The following DISP1 variants were observed in gnomAD, a reference collection of about 807,000 sequenced individuals.
DISP1 encodes protein dispatched homolog 1.
A neutral mutation model predicts 37.3 loss-of-function variants in DISP1; 30 were observed. That is an observed-to-expected ratio of 0.80 (90% CI 0.60 to 1.09). DISP1 has a LOEUF of 1.09. DISP1 is among the 50% of genes least tolerant of loss of function. DISP1 has a pLI of 0.00. For missense variants in DISP1, 1,598 were observed against 1,879.5 expected, an observed-to-expected ratio of 0.85 and a Z score of 2.77; for synonymous variants, 634 against 690.2, an observed-to-expected ratio of 0.92 and a Z score of 1.28.
At chr1:222,881,472 A>G (rs1270029537) in intron 1 of DISP1, among the ~76,000 whole-genome samples, 1 of 152,222 alleles carries the variant, frequency 6.6e-6, no homozygotes, top group Non-Finnish European at 1.5e-5. Flanking sequence ...CTGGGATTAC[A>G]GACATGAGCC....
intron 1 of DISP1, among the ~76,000 whole-genome samples, chr1:222,858,982 T>A: frequency 6.6e-6 from 1 of 152,218 alleles, no homozygotes; most frequent in Admixed American, 6.5e-5. Flanking sequence ...CATTACTGGG[T>A]ATATACCCAA....
At chr1:222,976,113 T>TA (rs1012366680) in intron 3 of DISP1, among the ~76,000 whole-genome samples, 2 of 152,206 alleles carry the variant, frequency 1.3e-5, no homozygotes, top group Non-Finnish European at 2.9e-5. Context: ...GGTTTGTTTT[T>TA]ATTAAAAAGT....
At chr1:222,818,917 T>A (rs1364111561) in intron 1 of DISP1, among the ~76,000 whole-genome samples, 1 of 152,236 alleles carries the variant, frequency 6.6e-6, no homozygotes, top group Non-Finnish European at 1.5e-5. Context: ...TAAACTAATA[T>A]GTGGCGTGTA....
At chr1:222,995,863 C>T (rs773318361) in intron 8 of DISP1, among the ~76,000 whole-genome samples, 3 of 152,130 alleles carry the variant, frequency 2.0e-5, no homozygotes, top group Non-Finnish European at 2.9e-5. Flanking sequence ...ATCACCTGTT[C>T]GGTCAACAGG....
chr1:222,932,680 G>A (rs774272068), intron 2 of DISP1, among the ~76,000 whole-genome samples: 1 of 152,000 alleles, frequency 6.6e-6, no homozygotes, highest in South Asian at 2.1e-4. Flanking sequence ...AAAGCTATGA[G>A]AAGCCTTCCC....
intron 1 of DISP1, among the ~76,000 whole-genome samples, chr1:222,925,695 G>T (rs575870599): frequency 2.6e-5 from 4 of 152,040 alleles, no homozygotes; most frequent in Non-Finnish European, 5.9e-5. Context: ...ACATACAGTG[G>T]TTCTCAAAAT....
At chr1:222,981,139 T>C (rs146506205) in intron 3 of DISP1, among the ~76,000 whole-genome samples, 1,853 of 152,380 alleles carry the variant, frequency 0.012, 41 homozygotes, top group African/African-American at 0.042. Flanking sequence ...AAGTTCCACA[T>C]CTGCCAAAAG....
intron 3 of DISP1, among the ~76,000 whole-genome samples, chr1:222,964,165 G>C: frequency 6.6e-6 from 1 of 152,000 alleles, no homozygotes; most frequent in Admixed American, 6.6e-5. Context: ...CGGGCATGGT[G>C]GTGGGCACCT....
intron 1 of DISP1, among the ~76,000 whole-genome samples, chr1:222,896,208 C>T (rs530669110): frequency 1.3e-5 from 2 of 152,012 alleles, no homozygotes; most frequent in South Asian, 4.2e-4. Flanking sequence ...ACCGGTAGGC[C>T]GAAATGGGAG....
At chr1:222,870,213 A>T (rs1357771345) in intron 1 of DISP1, among the ~76,000 whole-genome samples, 2 of 152,114 alleles carry the variant, frequency 1.3e-5, no homozygotes, top group African/African-American at 4.8e-5. Context: ...GGTTGGTTCC[A>T]AGTCTTTGCT....
chr1:222,935,803 C>A (rs962239678), intron 2 of DISP1, among the ~76,000 whole-genome samples: 1 of 152,194 alleles, frequency 6.6e-6, no homozygotes, highest in Non-Finnish European at 1.5e-5. Context: ...GCAGTTCTGA[C>A]CGCCAATTCC....
At chr1:222,900,516 G>A (rs1671520576) in intron 1 of DISP1, among the ~76,000 whole-genome samples, 1 of 151,976 alleles carries the variant, frequency 6.6e-6, no homozygotes, top group Non-Finnish European at 1.5e-5. Flanking sequence ...TTTTTCTGTT[G>A]GAGATCCTAT....
chr1:222,818,370 C>G (rs1038128995), intron 1 of DISP1, among the ~76,000 whole-genome samples: 1 of 152,026 alleles, frequency 6.6e-6, no homozygotes, highest in Non-Finnish European at 1.5e-5. Context: ...GGGAATCCCT[C>G]CCACCTCTTG....
chr1:222,826,647 C>T (rs987137064), intron 1 of DISP1, among the ~76,000 whole-genome samples: 12 of 152,084 alleles, frequency 7.9e-5, no homozygotes, highest in African/African-American at 2.4e-4. Context: ...CTCAGCCTCC[C>T]AAAGTCCTGG....
At chr1:222,815,968 T>A (rs2125102267) in intron 1 of DISP1, among the ~76,000 whole-genome samples, 1 of 152,190 alleles carries the variant, frequency 6.6e-6, no homozygotes, top group African/African-American at 2.4e-5. Context: ...TTTGTTGGGT[T>A]TAGTCTTTTA....
intron 1 of DISP1, among the ~76,000 whole-genome samples, chr1:222,877,819 G>A (rs930036714): frequency 3.9e-5 from 6 of 152,154 alleles, no homozygotes; most frequent in African/African-American, 1.4e-4. Context: ...CCTTGGGGCT[G>A]GTTTTTTAAG....
chr1:222,835,705 AC>A (rs1666853473), intron 1 of DISP1, among the ~76,000 whole-genome samples: 1 of 151,934 alleles, frequency 6.6e-6, no homozygotes, highest in Non-Finnish European at 1.5e-5. Context: ...TAATCCCAGC[AC>A]TTTGGGAGGC....
At chr1:222,868,383 G>A (rs1669324942) in intron 1 of DISP1, among the ~76,000 whole-genome samples, 1 of 151,992 alleles carries the variant, frequency 6.6e-6, no homozygotes, top group Non-Finnish European at 1.5e-5. Flanking sequence ...ATATGTATAT[G>A]TTTATAGATA....
intron 3 of DISP1, among the ~76,000 whole-genome samples, chr1:222,958,624 T>G (rs985873482): frequency 2.0e-5 from 3 of 152,214 alleles, no homozygotes; most frequent in Non-Finnish European, 4.4e-5. Context: ...TTGTATTGCA[T>G]AGTTTAGAAA....
Sources: gnomAD v4.1 joint callset for allele counts (sites outside exome capture counted in the v4.1 genomes callset) on GRCh38, gnomAD v4.1.1 for gene constraint, MANE v1.5 for transcripts, NCBI Gene and HGNC (gene_info 2026-07-23, HGNC 2026-07-21) for gene names.